NCOA7: variants seen among roughly 807,000 people sequenced by gnomAD.
NCOA7 encodes 140 kDa estrogen receptor-associated protein.
In NCOA7, 45 loss-of-function variants were observed where a neutral mutation model predicts 104.3. The ratio of observed to expected loss-of-function variants is 0.43; its 90% CI spans 0.34 to 0.55. NCOA7 has a LOEUF of 0.55. Ranked by LOEUF, NCOA7 falls within the 20% of genes least tolerant of loss-of-function variation. The pLI is 0.02. For synonymous variants in NCOA7, 398 were observed against 402.3 expected (o/e 0.99, Z 0.13); for missense variants, 1,041 against 1,119.7 (o/e 0.93, Z 1.00).
At chr6:125,903,081 A>G (rs1785648783) in intron 10 of NCOA7, among the ~76,000 whole-genome samples, 1 of 152,224 alleles carries the variant, frequency 6.6e-6, no homozygotes, top group Non-Finnish European at 1.5e-5. Context: ...TGACAACTCT[A>G]TCTGCTAAAC....
chr6:125,843,759 C>T (rs1406351400), intron 2 of NCOA7, among the ~76,000 whole-genome samples: 1 of 152,028 alleles, frequency 6.6e-6, no homozygotes, highest in Non-Finnish European at 1.5e-5. Flanking sequence ...TATATATTAC[C>T]ATTGTCTGCA....
Position 125,889,752 on chromosome 6 carries a change from G to C in NCOA7, c.1698G>C (p.Gln566His), listed in dbSNP as rs753912725. The C allele has an allele frequency of 5.0e-6, 8 of 1,612,778 alleles. No individual in the cohort carries two copies. Among genetic ancestry groups the C allele is most frequent in the Non-Finnish European group, 5.9e-6 (7 of 1,179,518 alleles). The change falls in exon 9 of 16, where the codon CAG becomes CAC. Residue 566 changes from glutamine (Q) to histidine (H), a missense_variant. Transcript: ENST00000392477. Reference sequence around the variant, plus strand: ...TTACCCTTAGTAGTTCTCTTTCCCAGGCGGGTGATCCCATAACTGAGGGCA... The same window carrying C: ...TTACCCTTAGTAGTTCTCTTTCCCACGCGGGTGATCCCATAACTGAGGGCA... ...IDITLSSSLS[Q>H]AGDPITEGNK...
Position 125,881,105 on chromosome 6 carries a change from G to A in NCOA7, c.475G>A (p.Asp159Asn), listed in dbSNP as rs1462810563. The A allele has an allele frequency of 6.2e-7, 1 of 1,613,862 alleles. No individual in the cohort carries two copies. Among genetic ancestry groups the A allele is most frequent in the Non-Finnish European group, 8.5e-7 (1 of 1,179,834 alleles). ...CCATTCTCAGGTCCTTTTTGTGCCAGATGCCAACTCTCCTTCCAGTACCTT... is the reference window on the plus strand; with the variant it reads ...CCATTCTCAGGTCCTTTTTGTGCCAAATGCCAACTCTCCTTCCAGTACCTT... ...IVPGQVLFVPDANSPSSTLRL... is the reference protein window; with the variant it reads ...IVPGQVLFVPNANSPSSTLRL... Residue 159 changes from aspartate to asparagine, a missense_variant, in exon 6 of 16, where the codon GAT becomes AAT. This residue lies in a region of NCOA7 where 914 missense variants were observed against 942.7 expected (regional missense o/e 0.97). Transcript: ENST00000392477.
At chr6:125,897,481 A>C (rs1319678050) in intron 10 of NCOA7, among the ~76,000 whole-genome samples, 1 of 152,130 alleles carries the variant, frequency 6.6e-6, no homozygotes, top group Non-Finnish European at 1.5e-5. Flanking sequence ...AGGATTTCTT[A>C]GTTTTATTTT....
At chr6:125,912,406 A>G (rs557046834) in intron 10 of NCOA7, among the ~76,000 whole-genome samples, 1 of 152,354 alleles carries the variant, frequency 6.6e-6, no homozygotes, top group African/African-American at 2.4e-5. Context: ...GCATACTAAG[A>G]GTCTATATGT....
At chr6:125,846,431 A>G (rs1191416697) in intron 2 of NCOA7, among the ~76,000 whole-genome samples, 1 of 151,668 alleles carries the variant, frequency 6.6e-6, no homozygotes, top group East Asian at 1.9e-4. Flanking sequence ...AGGGCAAACT[A>G]TTAGAGCCAG....
At chr6:125,928,296 C>A in intron 15 of NCOA7, 49 bp downstream of exon 15, 16 of 1,519,616 alleles carry the variant, frequency 1.1e-5, no homozygotes, top group African/African-American at 1.4e-5. Context: ...TACCACCTGA[C>A]CTGAGTGGGT....
chr6:125,789,521 TCTTTATA>T (rs1432905768), upstream of NCOA7, among the ~76,000 whole-genome samples: 5 of 152,220 alleles, frequency 3.3e-5, no homozygotes, highest in African/African-American at 1.2e-4. Context: ...TGCAATCAGC[TCTTTATA>T]CTTTAGGAAC....
At chr6:125,890,887 A>C in intron 10 of NCOA7, 77 bp downstream of exon 10, 2 of 1,292,988 alleles carry the variant, frequency 1.5e-6, no homozygotes, top group Non-Finnish European at 2.1e-6. Flanking sequence ...ATCTTAAAAT[A>C]CTTAATTTTA....
At chr6:125,806,329 AGAC>A (rs1776449556) in intron 1 of NCOA7, among the ~76,000 whole-genome samples, 1 of 152,278 alleles carries the variant, frequency 6.6e-6, no homozygotes, top group East Asian at 1.9e-4. Context: ...TGACAGAGTG[AGAC>A]TCCTTCTCAA....
chr6:125,783,859 G>A (rs1562739382), intron 1 of NCOA7, among the ~76,000 whole-genome samples: 1 of 151,988 alleles, frequency 6.6e-6, no homozygotes, highest in African/African-American at 2.4e-5. Flanking sequence ...TCTTTTAGAG[G>A]GTGTTCATTA....
intron 10 of NCOA7, among the ~76,000 whole-genome samples, chr6:125,914,422 G>T (rs1379942149): frequency 2.0e-5 from 3 of 152,110 alleles, no homozygotes; most frequent in Admixed American, 1.3e-4. Flanking sequence ...CTTAAAAATG[G>T]TTTGATCTGT....
intron 10 of NCOA7, among the ~76,000 whole-genome samples, chr6:125,906,774 C>A (rs1234949141): frequency 1.3e-5 from 2 of 152,134 alleles, no homozygotes; most frequent in African/African-American, 4.8e-5. Flanking sequence ...AATTTCAGAG[C>A]TTGAGGTCTG....
chr6:125,922,178 T>A (rs1053600538), intron 12 of NCOA7, among the ~76,000 whole-genome samples: 11 of 152,226 alleles, frequency 7.2e-5, no homozygotes, highest in African/African-American at 2.7e-4. Context: ...AGTTTAAATA[T>A]TGATGCAGGT....
intron 2 of NCOA7, among the ~76,000 whole-genome samples, chr6:125,829,940 A>G (rs1218121407): frequency 6.6e-6 from 1 of 152,206 alleles, no homozygotes; most frequent in Non-Finnish European, 1.5e-5. Flanking sequence ...TCAGAATTAT[A>G]AAATCTTTTA....
At chr6:125,908,859 G>T (rs1477976480) in intron 10 of NCOA7, among the ~76,000 whole-genome samples, 1 of 152,228 alleles carries the variant, frequency 6.6e-6, no homozygotes, top group African/African-American at 2.4e-5. Context: ...AATCTTAATT[G>T]ACCTGCACTT....
chr6:125,918,695 T>C (rs899772361), intron 11 of NCOA7, among the ~76,000 whole-genome samples: 1 of 152,254 alleles, frequency 6.6e-6, no homozygotes, highest in Non-Finnish European at 1.5e-5. Flanking sequence ...CTCTGCCAAC[T>C]GTTTTATAAA....
In NCOA7 at chr6:125,928,897, C is replaced by A; in HGVS notation, c.*126C>A. 1.0e-6 allele frequency: 1 copy of A among 977,128 alleles called. No homozygotes were observed. The highest frequency in any genetic ancestry group is 1.5e-6 in the Non-Finnish European group (1 of 676,958). The allele number at this position is 977,128 out of a possible 1,614,324, so 60.5% of individuals were successfully genotyped here. A position where few individuals can be genotyped will look rare whatever the true frequency, so the allele number is the denominator to read the frequency against. On this transcript the variant is annotated 3_prime_UTR_variant, in exon 16 of 16. Transcript: ENST00000392477. Reference sequence around the variant, plus strand: ...CACCCCAATGCTTCCTTTCTGCCATCATCTCAGAGCATGATCACATTGCAG... The same window carrying A: ...CACCCCAATGCTTCCTTTCTGCCATAATCTCAGAGCATGATCACATTGCAG...
chr6:125,826,815 G>T (rs1035210613), intron 2 of NCOA7, among the ~76,000 whole-genome samples: 12 of 152,112 alleles, frequency 7.9e-5, no homozygotes. Flanking sequence ...CACAGTTCTG[G>T]AGTCTGGGAA....
Sources: gnomAD v4.1 joint callset for allele counts (sites outside exome capture counted in the v4.1 genomes callset) on GRCh38, gnomAD v4.1.1 for gene constraint, gnomAD v4.1.1 regional missense constraint, MANE v1.5 for transcripts, NCBI Gene and HGNC (gene_info 2026-07-23, HGNC 2026-07-21) for gene names.